Variants in FANCD2OS observed in about 807,000 individuals in gnomAD.
The protein encoded by FANCD2OS is FANCD2 opposite strand.
FANCD2OS carries 11 observed loss-of-function variants against 13.2 expected under a neutral mutation model. The ratio of observed to expected loss-of-function variants is 0.83; its 90% CI spans 0.52 to 1.38. FANCD2OS has a LOEUF of 1.38. Ranked by LOEUF, FANCD2OS falls within the 40% of genes most tolerant of loss-of-function variation. The pLI, the probability that FANCD2OS is intolerant of heterozygous loss-of-function variation, is 0.00. For missense variants in FANCD2OS, 217 were observed against 213.9 expected (o/e 1.01, Z -0.09); for synonymous variants, 69 against 84.5 (o/e 0.82, Z 1.01).
In FANCD2OS at chr3:10,081,866, A is replaced by T. The variant is rs562856650; in HGVS notation, c.*44-335T>A. ...CCAGAAGGGTACATGGCCTTTAGAG[A>T]GATAACGGAAGGAAGTGGAAGGTAC... is the stretch of plus-strand genomic sequence containing the variant. On this transcript the variant is annotated intron_variant, in intron 2 of 2. Coordinates refer to the FANCD2OS transcript ENST00000524279. 3.3e-5 allele frequency among the ~76,000 whole-genome samples: 5 copies of T among 152,230 alleles called. No homozygotes were observed. The South Asian group carries it at 1.0e-3, about 32-fold the overall frequency.
At chr3:10,099,173 A>G, downstream of FANCD2OS, 1 of 1,417,538 alleles carries the variant, frequency 7.1e-7, no homozygotes, top group South Asian at 1.5e-5. Flanking sequence ...CCATTTAAAC[A>G]CATTTGAAAC....
chr3:10,107,546 A>G (rs1364475765), intron 1 of FANCD2OS, among the ~76,000 whole-genome samples: 1 of 151,276 alleles, frequency 6.6e-6, no homozygotes, highest in Admixed American at 6.6e-5. Context: ...TCGGCCTCCC[A>G]AAGTGCTGGG....
intron 2 of FANCD2OS, among the ~76,000 whole-genome samples, chr3:10,087,934 A>G (rs945151046): frequency 6.6e-6 from 1 of 152,238 alleles, no homozygotes; most frequent in South Asian, 2.1e-4. Context: ...GACGTGAGCC[A>G]CTGTGCCCAG....
At chr3:10,107,371 T>A (rs909176691) in intron 1 of FANCD2OS, among the ~76,000 whole-genome samples, 2 of 151,934 alleles carry the variant, frequency 1.3e-5, no homozygotes, top group African/African-American at 4.8e-5. Flanking sequence ...CACTGCAAGC[T>A]CCGCCTCCCG....
chr3:10,089,031 C>T (rs1007617752), intron 2 of FANCD2OS: 9 of 1,520,220 alleles, frequency 5.9e-6, no homozygotes, highest in Admixed American at 5.0e-5. Flanking sequence ...ACCTGTAATC[C>T]CAGCACTTTG....
chr3:10,088,573 A>G (rs1694380915), intron 2 of FANCD2OS: 2 of 1,448,664 alleles, frequency 1.4e-6, no homozygotes, highest in Non-Finnish European at 1.9e-6. Context: ...CAATGAGCCA[A>G]ATAGCTTTTT....
chr3:10,101,142 A>G, downstream of FANCD2OS: 1 of 1,404,604 alleles, frequency 7.1e-7, no homozygotes, highest in Non-Finnish European at 1.0e-6. Flanking sequence ...GAGGTCACCC[A>G]GAGCAGTAAC....
downstream of FANCD2OS, among the ~76,000 whole-genome samples, chr3:10,102,607 G>A (rs1407706604): frequency 6.6e-6 from 1 of 150,670 alleles, no homozygotes. Flanking sequence ...GGTGGATCAG[G>A]AGATCCAGGA....
At chr3:10,083,705 G>C (rs1007965688) in intron 2 of FANCD2OS, 1 of 151,910 alleles carries the variant, frequency 6.6e-6, no homozygotes, top group African/African-American at 2.4e-5. Context: ...TGGCTAACAC[G>C]GTGAAACTCC....
intron 2 of FANCD2OS, among the ~76,000 whole-genome samples, chr3:10,087,814 A>G (rs984869121): frequency 6.6e-6 from 1 of 151,862 alleles, no homozygotes. Flanking sequence ...GTGCCCAGCC[A>G]ATTTTTGTAT....
At position 10,093,303 on chromosome 3, in the gene FANCD2OS, G is replaced by A. The variant is rs1382613143; in HGVS notation, c.*43+10895C>T. ...TCTCCAGGTATTTGATAGTCATCCTGTTCTGCATGTATGTTTGAAGGTGAG... is the reference window on the plus strand; with the variant it reads ...TCTCCAGGTATTTGATAGTCATCCTATTCTGCATGTATGTTTGAAGGTGAG... On this transcript the variant is annotated intron_variant, in intron 2 of 2. Coordinates refer to the FANCD2OS transcript ENST00000524279. 9 of 1,613,390 alleles carry A rather than the reference G, an allele frequency of 5.6e-6. No individual in the cohort carries two copies. The highest frequency in any genetic ancestry group is 1.3e-5 in the African/African-American group (1 of 74,908).
At chr3:10,094,423 C>T in intron 2 of FANCD2OS, 1 of 1,398,808 alleles carries the variant, frequency 7.1e-7, no homozygotes, top group Non-Finnish European at 1.0e-6. Context: ...AAGATATGTC[C>T]TTGGTGACTC....
At chr3:10,101,365 T>A, downstream of FANCD2OS, 1 of 715,552 alleles carries the variant, frequency 1.4e-6, no homozygotes, top group Non-Finnish European at 2.4e-6. Context: ...GGTAGGATCC[T>A]TTTTTGTTCC....
chr3:10,087,926 C>A (rs892183134), intron 2 of FANCD2OS, among the ~76,000 whole-genome samples: 1 of 152,120 alleles, frequency 6.6e-6, no homozygotes, highest in Non-Finnish European at 1.5e-5. Context: ...GGATTACAGA[C>A]GTGAGCCACT....
chr3:10,105,965 C>G (rs972739738), intron 1 of FANCD2OS, among the ~76,000 whole-genome samples: 3 of 151,370 alleles, frequency 2.0e-5, no homozygotes, highest in African/African-American at 7.3e-5. Context: ...TATATAAGCC[C>G]TCTTGCATTG....
At chr3:10,101,376 T>C, downstream of FANCD2OS, 9 of 514,648 alleles carry the variant, frequency 1.7e-5, no homozygotes, top group Non-Finnish European at 2.1e-5. Flanking sequence ...TTTTTGTTCC[T>C]CTTTTTTTTT....
downstream of FANCD2OS, chr3:10,101,830 C>CTAA (rs1246728570): frequency 5.2e-6 from 1 of 192,632 alleles, no homozygotes; most frequent in African/African-American, 2.3e-5. Flanking sequence ...AGTAAAATCT[C>CTAA]TGAGTCATGA....
rs113246607 is a variant in FANCD2OS, at chr3:10,089,297, G to A, written c.*44-7766C>T. ...CGAAACTCCATCTCAAAAAAAAAAA[G>A]AATCATAATCACACTGTCCAACGTA... is the stretch of plus-strand genomic sequence containing the variant. On this transcript the variant is annotated intron_variant, in intron 2 of 2. Coordinates refer to the FANCD2OS transcript ENST00000524279. Among the ~76,000 whole-genome samples the A allele has an allele frequency of 1.2e-4, 18 of 149,898 alleles. 1 individual carries two copies. Among genetic ancestry groups the A allele is most frequent in the African/African-American group, 4.1e-4 (17 of 41,040 alleles).
At chr3:10,102,206 C>T (rs536284437), downstream of FANCD2OS, among the ~76,000 whole-genome samples, 17 of 149,412 alleles carry the variant, frequency 1.1e-4, no homozygotes, top group South Asian at 6.3e-4. Context: ...TGCAGTGGCA[C>T]GATCTCAGCT....
Sources: allele counts gnomAD v4.1 joint callset (sites outside exome capture counted in the v4.1 genomes callset), GRCh38; gene constraint gnomAD v4.1.1; transcripts MANE v1.5; gene names NCBI Gene and HGNC (gene_info 2026-07-23, HGNC 2026-07-21).